The following NBPF15 variants were observed in gnomAD, a reference collection of about 807,000 sequenced individuals.
NBPF15 encodes the protein NBPF member 15.
In NBPF15, 74 loss-of-function variants were observed where a neutral mutation model predicts 62.2. That is an observed-to-expected ratio of 1.19 (90% CI 0.99 to 1.44). The LOEUF (loss-of-function observed/expected upper bound fraction) is 1.44, where lower values mean the gene tolerates loss of function less well. Ranked by LOEUF, NBPF15 falls within the 40% of genes most tolerant of loss-of-function variation. The probability of loss-of-function intolerance (pLI) is 0.00; values close to 1 mark genes in which losing one functional copy is unlikely to be tolerated. For missense variants in NBPF15, 790 were observed against 550.0 expected (o/e 1.44, Z -4.36); for synonymous variants, 244 against 209.7 (o/e 1.16, Z -1.41).
intron 6 of NBPF15, among the ~76,000 whole-genome samples, chr1:144,441,151 T>G (rs1309814708): frequency 6.6e-6 from 1 of 151,946 alleles, no homozygotes; most frequent in Non-Finnish European, 1.5e-5. Context: ...TAACTATGAA[T>G]ATTCTCATAC....
intron 10 of NBPF15, among the ~76,000 whole-genome samples, chr1:144,436,259 G>A (rs1678245230): frequency 6.6e-6 from 1 of 151,984 alleles, no homozygotes; most frequent in South Asian, 2.1e-4. Context: ...AGTCCTCTAT[G>A]CATCAGAAGA....
chr1:144,428,178 G>GACACACAC (rs782021320), intron 15 of NBPF15, among the ~76,000 whole-genome samples, 188 bp from the exon 16 acceptor site: 2,948 of 132,342 alleles, frequency 0.022, 119 homozygotes, highest in African/African-American at 0.078. Flanking sequence ...GAAAGAGAAA[G>GACACACAC]ACACACACAC....
chr1:144,457,971 C>A (rs1649414826), intron 3 of NBPF15, among the ~76,000 whole-genome samples: 1 of 151,594 alleles, frequency 6.6e-6, no homozygotes, highest in African/African-American at 2.4e-5. Context: ...CCTGTAGACC[C>A]AGCTACTAAG....
chr1:144,437,816 AGCGAGCCT>A (rs1679674712), intron 9 of NBPF15, 121 bp downstream of exon 9: 1 of 1,039,976 alleles, frequency 9.6e-7, no homozygotes, highest in South Asian at 1.3e-5. Context: ...ATTTGTGTGT[AGCGAGCCT>A]GCCATGGCAA....
chr1:144,435,176 A>T lies in NBPF15; in HGVS notation c.707T>A (p.Val236Asp). Residue 236 changes from valine (V) to aspartate (D), a missense_variant, in exon 12 of 22, where the codon GTC (valine) becomes GAC (aspartate). Coordinates refer to ENST00000581897, the MANE Select transcript of NBPF15 (RefSeq NM_001385408.1). ...KTKITFEEDKVDSTLIGSSSH... is the reference protein window; with the variant it reads ...KTKITFEEDKDDSTLIGSSSH... ...GGATGAGCCAATGAGAGTTGAGTCGACTTTGTCTTCCTCAAATGTGATTTT... is the reference window on the plus strand; with the variant it reads ...GGATGAGCCAATGAGAGTTGAGTCGTCTTTGTCTTCCTCAAATGTGATTTT... The T allele has an allele frequency of 6.2e-7, 1 of 1,612,980 alleles. No individual in the cohort carries two copies.
intron 6 of NBPF15, among the ~76,000 whole-genome samples, chr1:144,441,871 C>T (rs1288389167): frequency 1.3e-5 from 2 of 148,966 alleles, no homozygotes; most frequent in Non-Finnish European, 3.0e-5. Context: ...TCTTTCATTT[C>T]CCCAATGAAG....
At chr1:144,455,513 C>G (rs1693916874) in intron 4 of NBPF15, among the ~76,000 whole-genome samples, 1 of 151,994 alleles carries the variant, frequency 6.6e-6, no homozygotes, top group Non-Finnish European at 1.5e-5. Flanking sequence ...TGAGTCTTGT[C>G]TTTGGATAAG....
intron 6 of NBPF15, among the ~76,000 whole-genome samples, chr1:144,447,555 G>A (rs1688477865): frequency 6.6e-6 from 1 of 151,762 alleles, no homozygotes; most frequent in South Asian, 2.1e-4. Context: ...GAAGGGACAA[G>A]CCCCAAGTGG....
At chr1:144,447,822 T>A (rs1688636482) in intron 6 of NBPF15, among the ~76,000 whole-genome samples, 1 of 152,058 alleles carries the variant, frequency 6.6e-6, no homozygotes, top group Admixed American at 6.6e-5. Flanking sequence ...TGAAATAAAG[T>A]GCTACATGGC....
intron 19 of NBPF15, among the ~76,000 whole-genome samples, chr1:144,425,130 C>T (rs201026215): frequency 9.0e-3 from 1,149 of 127,150 alleles, no homozygotes; most frequent in South Asian, 0.015. Context: ...AGAGAGAGAA[C>T]GAGCTCAGTG....
rs1476434616 is a variant in NBPF15 at position 144,442,407 on chromosome 1, G to A, written c.-190-2112C>T. On this transcript the variant is annotated intron_variant, in intron 6 of 21. Transcript: ENST00000581897. ...ATATTATACAATATATATAACACGT[G>A]TGTATATATATTATATATATATATT... Among the ~76,000 whole-genome samples the A allele has an allele frequency of 4.5e-4, 63 of 140,708 alleles. No individual in the cohort carries two copies. The East Asian group carries it at 9.4e-3, about 21-fold the overall frequency. The allele number at this position is 140,708 out of a possible 152,430, so 92.3% of individuals were successfully genotyped here.
chr1:144,440,984 G>T (rs1453956574), intron 6 of NBPF15, among the ~76,000 whole-genome samples: 1 of 151,650 alleles, frequency 6.6e-6, no homozygotes, highest in South Asian at 2.1e-4. Flanking sequence ...TCTTTACTCA[G>T]GTGGGTATAT....
chr1:144,422,005 C>T lies in NBPF15; in HGVS notation c.*1008G>A, dbSNP rs28694511. ...GTAGATCATTGAGCCAGACAGCTGACCTGTCCTCTATAAACAAGTCCATGT... is the reference window on the plus strand; with the variant it reads ...GTAGATCATTGAGCCAGACAGCTGATCTGTCCTCTATAAACAAGTCCATGT... On this transcript the variant is annotated 3_prime_UTR_variant, in exon 22 of 22. Coordinates refer to ENST00000581897, the MANE Select transcript of NBPF15 (RefSeq NM_001385408.1). 2 of 133,394 alleles carry T rather than the reference C, an allele frequency of 1.5e-5. No individual in the cohort carries two copies. Among genetic ancestry groups the T allele is most frequent in the Admixed American group, 1.5e-4 (2 of 13,726 alleles). 8.3% of individuals were successfully genotyped at this position (133,394 alleles called of 1,614,324 possible).
chr1:144,451,601 A>C (rs1691218016), intron 4 of NBPF15, among the ~76,000 whole-genome samples: 2 of 151,788 alleles, frequency 1.3e-5, no homozygotes, highest in Admixed American at 1.3e-4. Flanking sequence ...GGCACTTGAG[A>C]TTAGGGAGTG....
intron 10 of NBPF15, among the ~76,000 whole-genome samples, chr1:144,436,082 C>T (rs1268237047): frequency 1.3e-5 from 2 of 151,874 alleles, no homozygotes; most frequent in Non-Finnish European, 2.9e-5. Context: ...ATTGAAAAGA[C>T]CTTTTGCTTC....
chr1:144,439,956 G>A lies in NBPF15; in HGVS notation c.48C>T (p.Asn16=). ...GCAATTTCTCATTGATTTCTAGAATGTTCATCTCTGCCTTCTCGCTGGACA... is the reference window on the plus strand; with the variant it reads ...GCAATTTCTCATTGATTTCTAGAATATTCATCTCTGCCTTCTCGCTGGACA... ...GPLSSEKAEM[N]ILEINEKLRP... The change falls in exon 8 of 22, where the codon AAC becomes AAT. Residue 16 remains asparagine (N), a synonymous_variant. Transcript: ENST00000581897. The A allele has an allele frequency of 1.2e-6, 2 of 1,610,844 alleles. No homozygotes were observed. The highest frequency in any genetic ancestry group is 4.5e-5 in the East Asian group (2 of 44,858).
chr1:144,439,726 C>T lies in NBPF15; in HGVS notation c.175+103G>A. The T allele has an allele frequency of 1.1e-5, 9 of 806,888 alleles. 1 individual carries two copies. In the Middle Eastern group the frequency reaches 1.1e-3, roughly 99 times the overall value. 50.0% of individuals were successfully genotyped at this position (806,888 alleles called of 1,614,324 possible). A position where few individuals can be genotyped will look rare whatever the true frequency, so the allele number is the denominator to read the frequency against. ...ACCCATTTCTGTTTTCCTAGAAGTA[C>T]AGGAAGGATGAAATTATTTTTGATG... On this transcript the variant is annotated intron_variant, in intron 8 of 21. Coordinates refer to ENST00000581897, the MANE Select transcript of NBPF15 (RefSeq NM_001385408.1).
In NBPF15 at chr1:144,423,962, C is replaced by T. The variant is rs587594276; in HGVS notation, c.1677G>A (p.Lys559=). The change falls in exon 21 of 22, where the codon AAG becomes AAA. Residue 559 remains lysine (K), a synonymous_variant. Coordinates refer to ENST00000581897, the MANE Select transcript of NBPF15 (RefSeq NM_001385408.1). The part of the protein sequence containing the change: ...FSLDVGEIEK[K]GKGKKRRGRR... The stretch of plus-strand genomic sequence containing the variant: ...TTCCCCTTCTTTTCTTCCCCTTCCC[C>T]TTCTTTTCAATTTCTGCAATAAATT... The T allele has an allele frequency of 0.015, 11,319 of 769,482 alleles. 306 individuals are homozygous for T. Among genetic ancestry groups the T allele is most frequent in the South Asian group, 0.051 (3,833 of 74,534 alleles). 47.7% of individuals were successfully genotyped at this position (769,482 alleles called of 1,614,324 possible). A position where few individuals can be genotyped will look rare whatever the true frequency, so the allele number is the denominator to read the frequency against.
chr1:144,423,791 A>C lies in NBPF15; in HGVS notation c.1769+79T>G. On this transcript the variant is annotated intron_variant, in intron 21 of 21. Transcript: ENST00000581897. ...CAGCCTTCGTTGAAAACATGACATC[A>C]AACACACTCTGGTTTCCCTGAATCT... 1.4e-5 allele frequency: 10 copies of C among 732,282 alleles called. No homozygotes were observed. In the South Asian group the frequency reaches 1.5e-4, roughly 11 times the overall value. The allele number at this position is 732,282 out of a possible 1,614,324, so 45.4% of individuals were successfully genotyped here. A position where few individuals can be genotyped will look rare whatever the true frequency, so the allele number is the denominator to read the frequency against.
Sources: allele counts gnomAD v4.1 joint callset (sites outside exome capture counted in the v4.1 genomes callset), GRCh38; gene constraint gnomAD v4.1.1; transcripts MANE v1.5; gene names NCBI Gene and HGNC (gene_info 2026-07-23, HGNC 2026-07-21).